KCTD16: variants seen among roughly 807,000 people sequenced by gnomAD.
KCTD16 encodes potassium channel tetramerization domain containing 16, also known as BTB/POZ domain-containing protein KCTD16.
Under a neutral mutation model 33.2 loss-of-function variants are expected in KCTD16, and 13 were observed. That is an observed-to-expected ratio of 0.39 (90% CI 0.25 to 0.62). KCTD16 has a LOEUF of 0.62. KCTD16 is among the 20% of genes least tolerant of loss of function. The pLI is 0.50. For missense variants in KCTD16, 441 were observed against 525.1 expected (o/e 0.84, Z 1.57); for synonymous variants, 197 against 195.3 (o/e 1.01, Z -0.07).
At chr5:144,455,454 G>A (rs1209068072) in intron 3 of KCTD16, among the ~76,000 whole-genome samples, 2 of 152,050 alleles carry the variant, frequency 1.3e-5, no homozygotes, top group Non-Finnish European at 2.9e-5. Flanking sequence ...AGATAATTTG[G>A]GAACCAAGAG....
chr5:144,288,968 C>T (rs940843321), intron 3 of KCTD16, among the ~76,000 whole-genome samples: 5 of 151,964 alleles, frequency 3.3e-5, no homozygotes, highest in African/African-American at 1.2e-4. Context: ...GTGAGCCAGT[C>T]GCGCCATTGC....
intron 3 of KCTD16, among the ~76,000 whole-genome samples, chr5:144,292,099 A>G (rs1210641806): frequency 6.6e-6 from 1 of 152,108 alleles, no homozygotes; most frequent in Non-Finnish European, 1.5e-5. Flanking sequence ...TTATTATGAG[A>G]AAAAGTTGGA....
At chr5:144,221,449 G>A (rs1247427078) in intron 3 of KCTD16, among the ~76,000 whole-genome samples, 1 of 152,002 alleles carries the variant, frequency 6.6e-6, no homozygotes, top group African/African-American at 2.4e-5. Context: ...CCCAGTGTGT[G>A]ATGATCCTTT....
intron 3 of KCTD16, among the ~76,000 whole-genome samples, chr5:144,245,304 A>G (rs919334108): frequency 5.9e-5 from 9 of 152,306 alleles, no homozygotes; most frequent in Non-Finnish European, 7.4e-5. Flanking sequence ...CTATTTTAAT[A>G]TAAGAGTGTA....
chr5:144,205,489 C>A, intron 2 of KCTD16: 1 of 398,756 alleles, frequency 2.5e-6, no homozygotes, highest in Non-Finnish European at 4.4e-6. Context: ...GCGTTGGCCT[C>A]TGGCTCGCAC....
intron 2 of KCTD16, among the ~76,000 whole-genome samples, chr5:144,199,924 A>G (rs1472848179): frequency 1.3e-5 from 2 of 151,926 alleles, no homozygotes; most frequent in East Asian, 1.9e-4. Context: ...CATGTTAGCC[A>G]GGATGGTCTC....
intron 2 of KCTD16, among the ~76,000 whole-genome samples, chr5:144,197,580 G>C (rs1260908629): frequency 6.6e-6 from 1 of 152,124 alleles, no homozygotes; most frequent in Non-Finnish European, 1.5e-5. Context: ...ACTGCGATTG[G>C]GGATATAGTG....
intron 3 of KCTD16, among the ~76,000 whole-genome samples, chr5:144,278,533 C>T (rs1357267794): frequency 6.9e-6 from 1 of 145,206 alleles, no homozygotes; most frequent in African/African-American, 2.6e-5. Context: ...CTCTGTCGCC[C>T]AGGCCGGACT....
intron 3 of KCTD16, among the ~76,000 whole-genome samples, chr5:144,245,642 A>G (rs930732583): frequency 1.3e-5 from 2 of 152,140 alleles, no homozygotes; most frequent in Non-Finnish European, 2.9e-5. Context: ...GTGGGAGGTG[A>G]TTGGATCATG....
chr5:144,462,321 T>C (rs1475725068), intron 3 of KCTD16, among the ~76,000 whole-genome samples: 1 of 152,102 alleles, frequency 6.6e-6, no homozygotes, highest in East Asian at 1.9e-4. Flanking sequence ...TTCATCAATA[T>C]TACAGTTTTT....
chr5:144,301,647 A>G (rs188587349), intron 3 of KCTD16, among the ~76,000 whole-genome samples: 4 of 152,344 alleles, frequency 2.6e-5, no homozygotes, highest in African/African-American at 9.6e-5. Flanking sequence ...GTCTCGACAT[A>G]GTGAACAGGA....
chr5:144,460,800 G>T (rs6897532), intron 3 of KCTD16, among the ~76,000 whole-genome samples: 58 of 152,310 alleles, frequency 3.8e-4, no homozygotes, highest in Non-Finnish European at 6.8e-4. Flanking sequence ...CCTAGAGAGT[G>T]TCTGGCAGAG....
At chr5:144,319,893 A>G (rs1174065819) in intron 3 of KCTD16, among the ~76,000 whole-genome samples, 1 of 152,130 alleles carries the variant, frequency 6.6e-6, no homozygotes, top group Non-Finnish European at 1.5e-5. Context: ...TATGTTGATA[A>G]TTGTATATAT....
At chr5:144,453,898 G>A (rs73792035) in intron 3 of KCTD16, among the ~76,000 whole-genome samples, 4,891 of 152,050 alleles carry the variant, frequency 0.032, 229 homozygotes, top group African/African-American at 0.11. Flanking sequence ...ATTTCCCTAC[G>A]GCTTCAGAAG....
At chr5:144,334,722 T>C (rs1407073580) in intron 3 of KCTD16, among the ~76,000 whole-genome samples, 1 of 152,160 alleles carries the variant, frequency 6.6e-6, no homozygotes, top group East Asian at 1.9e-4. Context: ...ATGAAATGAG[T>C]GCAGTGAAAG....
chr5:144,381,093 TA>T (rs1454243850), intron 3 of KCTD16, among the ~76,000 whole-genome samples: 1 of 151,800 alleles, frequency 6.6e-6, no homozygotes, highest in Non-Finnish European at 1.5e-5. Flanking sequence ...ATAAGAAACT[TA>T]AACAAATTAA....
intron 3 of KCTD16, among the ~76,000 whole-genome samples, chr5:144,405,944 G>C (rs999014444): frequency 6.6e-6 from 1 of 152,128 alleles, no homozygotes; most frequent in Admixed American, 6.5e-5. Context: ...AGTTTCCAAT[G>C]GAGTGGATGA....
At chr5:144,233,178 C>G (rs1034039632) in intron 3 of KCTD16, among the ~76,000 whole-genome samples, 2 of 151,902 alleles carry the variant, frequency 1.3e-5, no homozygotes, top group African/African-American at 2.4e-5. Flanking sequence ...GGCCTACAAG[C>G]TCATAAAGAA....
At chr5:144,292,570 G>T (rs2080990) in intron 3 of KCTD16, among the ~76,000 whole-genome samples, 35,448 of 152,024 alleles carry the variant, frequency 0.23, 4,359 homozygotes, top group Non-Finnish European at 0.28. Context: ...GTTCAATATG[G>T]ATTACACCAC....
Sources: allele counts gnomAD v4.1 joint callset (sites outside exome capture counted in the v4.1 genomes callset), GRCh38; gene constraint gnomAD v4.1.1; transcripts MANE v1.5; gene names NCBI Gene and HGNC (gene_info 2026-07-23, HGNC 2026-07-21).